Variants in FAT3 observed in about 807,000 individuals in gnomAD.
FAT3 encodes the protein protocadherin Fat 3.
In FAT3, 95 loss-of-function variants were observed where a neutral mutation model predicts 310.2. That is an observed-to-expected ratio of 0.31 (90% confidence interval 0.26 to 0.36). FAT3 has a LOEUF of 0.36. Among genes scored for constraint, FAT3 ranks in the 10% least tolerant of loss-of-function variants. FAT3 has a pLI of 1.00. For missense variants in FAT3, 5,408 were observed against 5,715.6 expected (o/e 0.95, Z 1.74); for synonymous variants, 2,314 against 2,192.9 (o/e 1.06, Z -1.54).
intron 1 of FAT3, among the ~76,000 whole-genome samples, chr11:92,304,763 A>T (rs560986820): frequency 2.6e-5 from 4 of 152,156 alleles, no homozygotes; most frequent in African/African-American, 7.2e-5. Context: ...GGCACAAATG[A>T]AGCACAGGCA....
At chr11:92,873,958 G>A (rs573884687) in intron 22 of FAT3, among the ~76,000 whole-genome samples, 26 of 152,234 alleles carry the variant, frequency 1.7e-4, no homozygotes, top group Admixed American at 3.9e-4. Context: ...TCTTATTGAC[G>A]CTTCAGTTTT....
At chr11:92,402,800 T>A (rs1469032586) in intron 2 of FAT3, among the ~76,000 whole-genome samples, 3 of 136,446 alleles carry the variant, frequency 2.2e-5, no homozygotes. Context: ...AAACCATAAG[T>A]CCAAGAAGCT....
chr11:92,722,485 G>T (rs1944889429), intron 4 of FAT3, among the ~76,000 whole-genome samples: 1 of 152,188 alleles, frequency 6.6e-6, no homozygotes, highest in Non-Finnish European at 1.5e-5. Context: ...AGCTTTTCCA[G>T]ACACACAGTG....
intron 5 of FAT3, among the ~76,000 whole-genome samples, chr11:92,762,496 T>C (rs1056520788): frequency 2.6e-5 from 4 of 151,920 alleles, no homozygotes; most frequent in Non-Finnish European, 5.9e-5. Flanking sequence ...AAACTAGCGG[T>C]AGGGGAACAG....
chr11:92,673,678 T>C (rs1943199955), intron 3 of FAT3, among the ~76,000 whole-genome samples: 1 of 152,132 alleles, frequency 6.6e-6, no homozygotes, highest in Non-Finnish European at 1.5e-5. Flanking sequence ...TTTTTTATGG[T>C]GCACTGTTTT....
rs566752118 is a variant in FAT3, at chr11:92,584,289, GACTGTA to G, written c.3607+59343_3607+59348del. On this transcript the variant is annotated intron_variant, in intron 3 of 27. Transcript: ENST00000525166. ...ACTTTGCTTTGGCAATAACATTGGT[GACTGTA>G]ATGGTGCTTCTTGAATTCTGCAAAG... Among the ~76,000 whole-genome samples, 8 of 152,098 alleles carry G rather than the reference GACTGTA, an allele frequency of 5.3e-5. No homozygotes were observed. The South Asian group carries it at 1.7e-3, about 32-fold the overall frequency.
At chr11:92,831,358 G>T (rs1163489884) in intron 13 of FAT3, among the ~76,000 whole-genome samples, 3 of 152,134 alleles carry the variant, frequency 2.0e-5, no homozygotes, top group Non-Finnish European at 4.4e-5. Context: ...TTAAAGATTT[G>T]TGGGGGGCGA....
chr11:92,749,088 GT>G (rs1281850520), intron 4 of FAT3: 1 of 152,150 alleles, frequency 6.6e-6, no homozygotes, highest in Non-Finnish European at 1.5e-5. Flanking sequence ...AGGAGATAAA[GT>G]TTCTTTCAAC....
chr11:92,825,639 G>A (rs1948082810), intron 13 of FAT3, among the ~76,000 whole-genome samples: 1 of 152,120 alleles, frequency 6.6e-6, no homozygotes, highest in Non-Finnish European at 1.5e-5. Context: ...ACTGGAAAGG[G>A]GGGTTGGGAC....
chr11:92,790,225 C>G lies in FAT3; in HGVS notation c.4611+7C>G, dbSNP rs771007542. 6.2e-7 allele frequency: 1 copy of G among 1,612,558 alleles called. No homozygotes were observed. The highest frequency in any genetic ancestry group is 1.7e-5 in the Admixed American group (1 of 59,952). On this transcript the variant is annotated splice_region_variant and intron_variant, in intron 8 of 27. Transcript: ENST00000525166. Reference sequence around the variant, plus strand: ...GCACATTCTCAACATAATGGTAGGACCAAAATCCTAATTAGCACTCCTACA... The same window carrying G: ...GCACATTCTCAACATAATGGTAGGAGCAAAATCCTAATTAGCACTCCTACA...
intron 2 of FAT3, among the ~76,000 whole-genome samples, chr11:92,411,571 A>G (rs1468453060): frequency 6.6e-6 from 1 of 152,102 alleles, no homozygotes; most frequent in African/African-American, 2.4e-5. Flanking sequence ...GTGACACTGA[A>G]AAACACTGGC....
intron 6 of FAT3, among the ~76,000 whole-genome samples, chr11:92,772,165 A>T (rs967463891): frequency 4.6e-5 from 7 of 152,200 alleles, no homozygotes; most frequent in Non-Finnish European, 7.3e-5. Context: ...AAGATTTAAG[A>T]AAGTTAACAT....
rs540328445 is a variant in FAT3 at position 92,594,052 on chromosome 11, G to A, written c.3607+69104G>A. On this transcript the variant is annotated intron_variant, in intron 3 of 27. Coordinates refer to ENST00000525166, the MANE Select transcript of FAT3 (RefSeq NM_001367949.2). ...TAAACAGGGACATGTGTCATGGTGG[G>A]AGGTGTGGCACCAGAACCAGAGTCA... Among the ~76,000 whole-genome samples, 3 of 152,216 alleles carry A rather than the reference G, an allele frequency of 2.0e-5. No homozygotes were observed. The East Asian group carries it at 5.8e-4, about 29-fold the overall frequency.
intron 2 of FAT3, among the ~76,000 whole-genome samples, chr11:92,476,283 A>G (rs1565346214): frequency 6.6e-6 from 1 of 152,216 alleles, no homozygotes; most frequent in African/African-American, 2.4e-5. Context: ...CCAGATGGAA[A>G]TGTCAGACTG....
chr11:92,860,989 TTTGA>T (rs1432133118), intron 21 of FAT3, among the ~76,000 whole-genome samples: 4 of 152,252 alleles, frequency 2.6e-5, no homozygotes, highest in Non-Finnish European at 5.9e-5. Flanking sequence ...AGAAAAGTAC[TTTGA>T]TTGCACAGTT....
chr11:92,683,730 A>T (rs1029864570), intron 3 of FAT3, among the ~76,000 whole-genome samples: 5 of 152,142 alleles, frequency 3.3e-5, no homozygotes, highest in Admixed American at 1.3e-4. Flanking sequence ...TAAGCCCAAA[A>T]TGGCCTATGA....
intron 19 of FAT3, among the ~76,000 whole-genome samples, chr11:92,853,868 A>G (rs1240463121): frequency 3.3e-5 from 5 of 151,598 alleles, no homozygotes; most frequent in African/African-American, 1.2e-4. Flanking sequence ...ATAAGTTCTC[A>G]CTCCAGTCTG....
intron 2 of FAT3, among the ~76,000 whole-genome samples, chr11:92,425,754 G>T (rs564472434): frequency 6.6e-6 from 1 of 152,230 alleles, no homozygotes; most frequent in East Asian, 1.9e-4. Flanking sequence ...TGGTGTATAT[G>T]TGCTACATTT....
At chr11:92,453,954 G>A in intron 2 of FAT3, among the ~76,000 whole-genome samples, 1 of 151,902 alleles carries the variant, frequency 6.6e-6, no homozygotes. Flanking sequence ...AACACATTTA[G>A]ATATACATAT....
Sources: gnomAD v4.1 joint callset for allele counts (sites outside exome capture counted in the v4.1 genomes callset) on GRCh38, gnomAD v4.1.1 for gene constraint, MANE v1.5 for transcripts, NCBI Gene and HGNC (gene_info 2026-07-23, HGNC 2026-07-21) for gene names.